The following SMG1 variants were observed in gnomAD, a reference collection of about 807,000 sequenced individuals.
The protein encoded by SMG1 is SMG1 nonsense mediated mRNA decay associated PI3K related kinase.
Under a neutral mutation model 419.9 loss-of-function variants are expected in SMG1, and 22 were observed. That is an observed-to-expected ratio of 0.05 (90% CI 0.04 to 0.07). The LOEUF (loss-of-function observed/expected upper bound fraction) is 0.07, where lower values mean the gene tolerates loss of function less well. SMG1 is among the 10% of genes least tolerant of loss of function. The pLI, the probability that SMG1 is intolerant of heterozygous loss-of-function variation, is 1.00. For synonymous variants in SMG1, 1,538 were observed against 1,553.5 expected (o/e 0.99, Z 0.23); for missense variants, 3,185 against 4,342.0 (o/e 0.73, Z 7.49).
intron 25 of SMG1, chr16:18,861,395 A>T (rs981478790): frequency 1.3e-5 from 2 of 151,864 alleles, no homozygotes; most frequent in Non-Finnish European, 2.9e-5. Flanking sequence ...TCATCCTCCC[A>T]GCTTCTATGC....
At chr16:18,854,956 C>T (rs2034815610) in intron 29 of SMG1, 52 bp from the exon 30 acceptor site, 6 of 1,545,534 alleles carry the variant, frequency 3.9e-6, no homozygotes, top group Admixed American at 2.0e-5. Flanking sequence ...AACCAGACTG[C>T]ATGGAAACAT....
chr16:18,912,892 G>A (rs1252753157), intron 1 of SMG1, among the ~76,000 whole-genome samples: 1 of 152,002 alleles, frequency 6.6e-6, no homozygotes, highest in Non-Finnish European at 1.5e-5. Flanking sequence ...CCCAGTGCTG[G>A]AAAACCTATA....
intron 33 of SMG1, among the ~76,000 whole-genome samples, chr16:18,850,800 G>A (rs1431127738): frequency 1.3e-5 from 2 of 152,112 alleles, no homozygotes; most frequent in African/African-American, 4.8e-5. Flanking sequence ...CACCCAGGCT[G>A]GAGTGCAATG....
intron 3 of SMG1, among the ~76,000 whole-genome samples, chr16:18,893,897 G>C (rs191219146): frequency 6.6e-5 from 10 of 151,524 alleles, no homozygotes; most frequent in Admixed American, 5.9e-4. Flanking sequence ...CTCTACTGAA[G>C]ATACAAAAAA....
intron 1 of SMG1, among the ~76,000 whole-genome samples, chr16:18,919,634 AT>A (rs1262024413): frequency 8.0e-6 from 1 of 124,570 alleles, no homozygotes; most frequent in East Asian, 2.4e-4. Flanking sequence ...AAAAAAAAAA[AT>A]GTGTGTGTGT....
At chr16:18,918,569 G>A (rs2038067266) in intron 1 of SMG1, among the ~76,000 whole-genome samples, 1 of 152,030 alleles carries the variant, frequency 6.6e-6, no homozygotes, top group African/African-American at 2.4e-5. Context: ...TTTTGTTTTT[G>A]AGACAGTCTC....
chr16:18,813,197 G>A (rs1193050108), intron 60 of SMG1, among the ~76,000 whole-genome samples: 4 of 152,120 alleles, frequency 2.6e-5, no homozygotes, highest in African/African-American at 7.2e-5. Context: ...TAATGGGATG[G>A]CTGGGTCAAA....
chr16:18,878,326 G>T (rs1596579205), intron 11 of SMG1: 2 of 151,466 alleles, frequency 1.3e-5, no homozygotes, highest in African/African-American at 4.9e-5. Context: ...AATTAAAGGA[G>T]GCCAGGCATG....
chr16:18,926,103 A>T lies in SMG1; in HGVS notation c.-62T>A, dbSNP rs1286091771. ...CCAAAGAAGCGCGAGTCGCCGCCCGAACCGGCCGCCGCCGACACCCCGCTC... is the reference window on the plus strand; with the variant it reads ...CCAAAGAAGCGCGAGTCGCCGCCCGTACCGGCCGCCGCCGACACCCCGCTC... On this transcript the variant is annotated 5_prime_UTR_variant, in exon 1 of 63. Coordinates refer to ENST00000446231, the MANE Select transcript of SMG1 (RefSeq NM_015092.5). 6.9e-7 allele frequency: 1 copy of T among 1,448,724 alleles called. No individual in the cohort carries two copies. Among genetic ancestry groups the T allele is most frequent in the African/African-American group, 1.5e-5 (1 of 67,578 alleles). The allele number at this position is 1,448,724 out of a possible 1,614,324, so 89.7% of individuals were successfully genotyped here.
chr16:18,845,832 T>C (rs1159408683), intron 38 of SMG1, among the ~76,000 whole-genome samples, 181 bp from the exon 39 acceptor site: 3 of 152,176 alleles, frequency 2.0e-5, no homozygotes, highest in Non-Finnish European at 4.4e-5. Flanking sequence ...TTGTTTTTTT[T>C]TGGAGACAGA....
chr16:18,883,095 A>C (rs954294218), intron 9 of SMG1, among the ~76,000 whole-genome samples: 3 of 152,234 alleles, frequency 2.0e-5, no homozygotes, highest in Non-Finnish European at 4.4e-5. Context: ...CAGTACAGCT[A>C]AAGGTACTGA....
chr16:18,835,926 A>G lies in SMG1; in HGVS notation c.8057+7T>C, dbSNP rs1479106985. 3.9e-6 allele frequency: 6 copies of G among 1,550,310 alleles called. No homozygotes were observed. The highest frequency in any genetic ancestry group is 5.2e-6 in the Non-Finnish European group (6 of 1,145,748). On this transcript the variant is annotated splice_region_variant and intron_variant, in intron 48 of 62. Coordinates refer to ENST00000446231, the MANE Select transcript of SMG1 (RefSeq NM_015092.5). ...AAATAAAAGAAAATTAAGCACTATC[A>G]ACTTACTTCCTATAGAGCTCTTGAC...
chr16:18,853,950 A>C, intron 30 of SMG1, 83 bp from the exon 31 acceptor site: 227 of 1,275,850 alleles, frequency 1.8e-4, no homozygotes, highest in Non-Finnish European at 2.2e-4. Context: ...AACAAATATC[A>C]ACATGGTGAT....
intron 38 of SMG1, among the ~76,000 whole-genome samples, chr16:18,846,977 A>G (rs529494681): frequency 6.6e-6 from 1 of 152,366 alleles, no homozygotes; most frequent in South Asian, 2.1e-4. Flanking sequence ...TCACAGAGCT[A>G]AAATGTAGAA....
chr16:18,811,144 C>A (rs1027722074), intron 62 of SMG1, among the ~76,000 whole-genome samples: 2 of 151,972 alleles, frequency 1.3e-5, no homozygotes, highest in Non-Finnish European at 2.9e-5. Context: ...ATTTTGGATT[C>A]TTTGAGATTT....
chr16:18,909,747 G>A lies in SMG1; in HGVS notation c.93-12791C>T, dbSNP rs2037717988. Reference sequence around the variant, plus strand: ...TAAATGAAGACAGCTTTTGCTAGCTGCTGAAACATACTAGTAAGAACAGGA... The same window carrying A: ...TAAATGAAGACAGCTTTTGCTAGCTACTGAAACATACTAGTAAGAACAGGA... On this transcript the variant is annotated intron_variant, in intron 1 of 62. Coordinates refer to ENST00000446231, the MANE Select transcript of SMG1 (RefSeq NM_015092.5). 1.3e-5 allele frequency among the ~76,000 whole-genome samples: 2 copies of A among 152,184 alleles called. 1 individual carries two copies. Among genetic ancestry groups the A allele is most frequent in the South Asian group, 4.1e-4 (2 of 4,828 alleles).
intron 21 of SMG1, 34 bp downstream of exon 21, chr16:18,868,489 T>C: frequency 6.9e-7 from 1 of 1,453,200 alleles, no homozygotes; most frequent in Non-Finnish European, 9.5e-7. Context: ...ACCATTAAAC[T>C]GCTATAAAAC....
At chr16:18,908,811 T>C (rs1326299255) in intron 1 of SMG1, among the ~76,000 whole-genome samples, 1 of 147,304 alleles carries the variant, frequency 6.8e-6, no homozygotes, top group Admixed American at 6.8e-5. Context: ...GCGCGGGAGG[T>C]GGAGCATGCA....
In SMG1 at chr16:18,871,147, A is replaced by G. The variant is rs1423611038; in HGVS notation, c.2302+217T>C. 2.0e-5 allele frequency among the ~76,000 whole-genome samples: 3 copies of G among 152,218 alleles called. No homozygotes were observed. In the East Asian group the frequency reaches 5.8e-4, roughly 29 times the overall value. ...AAATGTAAAAGTATATGCAAACTAT[A>G]AACATTCACGTAAGCTTAAAAATGT... On this transcript the variant is annotated intron_variant, in intron 16 of 62. Transcript: ENST00000446231.
Sources: allele counts gnomAD v4.1 joint callset (sites outside exome capture counted in the v4.1 genomes callset), GRCh38; gene constraint gnomAD v4.1.1; transcripts MANE v1.5; gene names NCBI Gene and HGNC (gene_info 2026-07-23, HGNC 2026-07-21).